Variants in MAST1 observed in about 807,000 individuals in gnomAD.
MAST1 encodes microtubule-associated serine/threonine-protein kinase 1.
A neutral mutation model predicts 124.6 loss-of-function variants in MAST1; 40 were observed. The ratio of observed to expected loss-of-function variants is 0.32; its 90% CI spans 0.25 to 0.42. The LOEUF (loss-of-function observed/expected upper bound fraction) is 0.42. Among genes scored for constraint, MAST1 ranks in the 10% least tolerant of loss-of-function variants. The pLI, the probability that MAST1 is intolerant of heterozygous loss-of-function variation, is 1.00. For missense variants in MAST1, 1,558 were observed against 2,181.9 expected, an observed-to-expected ratio of 0.71 and a Z score of 5.70; for synonymous variants, 938 against 939.4, an observed-to-expected ratio of 1.00 and a Z score of 0.03.
At chr19:12,860,176 G>A (rs1269207733) in intron 12 of MAST1, among the ~76,000 whole-genome samples, 3 of 151,790 alleles carry the variant, frequency 2.0e-5, no homozygotes, top group South Asian at 4.1e-4. Flanking sequence ...GTGCAGTGGC[G>A]CAATCTCAGC....
chr19:12,847,155 A>C lies in MAST1; in HGVS notation c.328-135A>C. ...CAAGAGTCCCAGCCAAGATCCTAGG[A>C]TCCAAGGATCGTAAATCAGGTCCTG... On this transcript the variant is annotated intron_variant, in intron 4 of 25. Transcript: ENST00000251472. This position sits in a 1 kb window ranked among gnomAD's most constrained non-coding sequence, Gnocchi z 5.5. 4.6e-6 allele frequency: 3 copies of C among 648,780 alleles called. No individual in the cohort carries two copies. The highest frequency in any genetic ancestry group is 8.2e-6 in the Non-Finnish European group (3 of 366,932). The allele number at this position is 648,780 out of a possible 1,614,324, so 40.2% of individuals were successfully genotyped here. A position where few individuals can be genotyped will look rare whatever the true frequency, so the allele number is the denominator to read the frequency against.
At chr19:12,849,769 A>G (rs1275964161) in intron 7 of MAST1, among the ~76,000 whole-genome samples, 1 of 152,094 alleles carries the variant, frequency 6.6e-6, no homozygotes, top group Non-Finnish European at 1.5e-5. Context: ...TTGATCATTC[A>G]TTAATTCCAC....
rs766551679 is a variant in MAST1, at chr19:12,874,201, G to C, written c.4044G>C (p.Glu1348Asp). ...TGGGCGCGGACCCGTTGCTGCCCGA[G>C]GGTGCCTCCAGGCCACCAGTGTCGA... Reference protein sequence around the residue: ...LSLGADPLLPEGASRPPVSSK... With the variant: ...LSLGADPLLPDGASRPPVSSK... Residue 1348 changes from glutamate to aspartate, a missense_variant, in exon 26 of 26, where the codon GAG becomes GAC. Around this residue, in one of 10 missense-constraint regions of MAST1, gnomAD observed 263 missense variants for 310.9 expected, o/e 0.85. Coordinates refer to ENST00000251472, the MANE Select transcript of MAST1 (RefSeq NM_014975.3). This position sits in a 1 kb window ranked among gnomAD's most constrained non-coding sequence, Gnocchi z 6.6. 3.2e-6 allele frequency: 5 copies of C among 1,544,206 alleles called. No individual in the cohort carries two copies. In the South Asian group the frequency reaches 5.9e-5, roughly 18 times the overall value.
At chr19:12,871,621 A>G (rs975311097) in intron 24 of MAST1, among the ~76,000 whole-genome samples, 6 of 151,458 alleles carry the variant, frequency 4.0e-5, no homozygotes, top group Non-Finnish European at 8.8e-5. Context: ...AAACAAACAA[A>G]CAAACAAACA....
chr19:12,864,742 T>C (rs1222982089), intron 12 of MAST1, 67 bp from the exon 13 acceptor site: 41 of 1,592,134 alleles, frequency 2.6e-5, no homozygotes, highest in Non-Finnish European at 3.4e-5. Flanking sequence ...GAGAAGTTGG[T>C]GCTATGGTGC....
rs750462903 is a variant in MAST1 at position 12,873,955 on chromosome 19, G to T, written c.3798G>T (p.Ser1266=). 1 of 1,596,642 alleles carries T rather than the reference G, an allele frequency of 6.3e-7. No homozygotes were observed. The part of the protein sequence containing the change: ...PRSPLLKRVQ[S]AEKLGASLSA... The stretch of plus-strand genomic sequence containing the variant: ...CGCCGCTCCTCAAGCGCGTGCAGTC[G>T]GCCGAGAAGCTGGGAGCCTCTTTGA... Residue 1266 remains serine (S), a synonymous_variant, in exon 26 of 26, where the codon TCG becomes TCT. Coordinates refer to ENST00000251472, the MANE Select transcript of MAST1 (RefSeq NM_014975.3).
In MAST1 at chr19:12,857,705, C is replaced by T. The variant is rs1478900587; in HGVS notation, c.1078-657C>T. On this transcript the variant is annotated intron_variant, in intron 10 of 25. Coordinates refer to ENST00000251472, the MANE Select transcript of MAST1 (RefSeq NM_014975.3). ...GTGATTACAGGCGTGAGCCACCGCTCCAGGCCCGAATCTTTTAGTATGTTT... is the reference window on the plus strand; with the variant it reads ...GTGATTACAGGCGTGAGCCACCGCTTCAGGCCCGAATCTTTTAGTATGTTT... Among the ~76,000 whole-genome samples, 21 of 152,316 alleles carry T rather than the reference C, an allele frequency of 1.4e-4. 1 individual carries two copies.
At position 12,858,523 on chromosome 19, in the gene MAST1, C is replaced by G. The variant is rs759570436; in HGVS notation, c.1158-8C>G. The G allele has an allele frequency of 1.5e-5, 24 of 1,613,520 alleles. No homozygotes were observed. Among genetic ancestry groups the G allele is most frequent in the Non-Finnish European group, 1.9e-5 (23 of 1,179,604 alleles). On this transcript the variant is annotated splice_region_variant and splice_polypyrimidine_tract_variant and intron_variant, in intron 11 of 25. Transcript: ENST00000251472. ...GTGACGGCCGGTCCTCGCTCTCTCC[C>G]CCTGCAGCGCTGTCTACCTGGTGCG...
intron 10 of MAST1, among the ~76,000 whole-genome samples, chr19:12,852,677 TA>T (rs35930918): frequency 0.41 from 59,711 of 144,278 alleles, 14,081 homozygotes; most frequent in African/African-American, 0.65. Context: ...CGTTTCTACT[TA>T]AAAAAAAAAA....
chr19:12,868,099 T>C (rs1970180793), intron 20 of MAST1, 122 bp downstream of exon 20: 4 of 863,530 alleles, frequency 4.6e-6, no homozygotes, highest in African/African-American at 2.0e-5. Flanking sequence ...CATTGCAATT[T>C]GGGATTTTTT....
chr19:12,871,337 G>T (rs1039595848), intron 24 of MAST1, among the ~76,000 whole-genome samples, 165 bp downstream of exon 24: 2 of 152,114 alleles, frequency 1.3e-5, no homozygotes. Context: ...GGCTGGGCGC[G>T]GTGGCTCACG....
intron 24 of MAST1, among the ~76,000 whole-genome samples, chr19:12,873,093 C>T (rs913943709): frequency 2.0e-5 from 3 of 149,810 alleles, no homozygotes; most frequent in African/African-American, 7.4e-5. Flanking sequence ...TGTTTGGATG[C>T]TTGTTTCTAG....
intron 12 of MAST1, among the ~76,000 whole-genome samples, chr19:12,861,956 C>T (rs1438666206): frequency 6.6e-6 from 1 of 150,636 alleles, no homozygotes; most frequent in Non-Finnish European, 1.5e-5. Context: ...CTGCCTCGGC[C>T]TCCCAAAGTG....
In MAST1 at chr19:12,858,407, G is replaced by A. The variant is rs368712318; in HGVS notation, c.1123G>A (p.Asp375Asn). 3.7e-6 allele frequency: 6 copies of A among 1,614,004 alleles called. No homozygotes were observed. In the African/African-American group the frequency reaches 5.3e-5, roughly 14 times the overall value. Residue 375 changes from aspartate (D) to asparagine (N), a missense_variant, in exon 11 of 26, where the codon GAT (aspartate) becomes AAT (asparagine). By Grantham distance (23) the Asp-to-Asn change is conservative (BLOSUM62 1). Coordinates refer to ENST00000251472, the MANE Select transcript of MAST1 (RefSeq NM_014975.3). ...GAAACCGCCGGGGGAGAATGACTTC[G>A]ATACCATCAAGCTCATAAGCAACGG... ...AKKPPGENDF[D>N]TIKLISNGAY...
rs761477256 is a variant in MAST1 at position 12,858,743 on chromosome 19, T to G, written c.1366+4T>G. 3.1e-6 allele frequency: 5 copies of G among 1,613,958 alleles called. No individual in the cohort carries two copies. The highest frequency in any genetic ancestry group is 1.3e-5 in the African/African-American group (1 of 74,916). ...ATGGTCATGGAATATGTGGAAGGTG[T>G]GGCTGCCTGCGGGGCTGCAGGGAAG... On this transcript the variant is annotated splice_donor_region_variant and intron_variant, in intron 12 of 25. Transcript: ENST00000251472.
At position 12,847,028 on chromosome 19, in the gene MAST1, G is replaced by A. The variant is rs1969902072; in HGVS notation, c.328-262G>A. ...TGGGTGTTCACCCTGAGTAAGGTGG[G>A]AGCCACCAAGGGTTCTGAACAGAGG... On this transcript the variant is annotated intron_variant, in intron 4 of 25. Transcript: ENST00000251472. This position sits in a 1 kb window ranked among gnomAD's most constrained non-coding sequence, Gnocchi z 5.5. 2.0e-5 allele frequency among the ~76,000 whole-genome samples: 3 copies of A among 152,116 alleles called. No individual in the cohort carries two copies. Among genetic ancestry groups the A allele is most frequent in the South Asian group, 2.1e-4 (1 of 4,830 alleles).
chr19:12,863,531 A>G (rs1970111858), intron 12 of MAST1, among the ~76,000 whole-genome samples: 3 of 152,214 alleles, frequency 2.0e-5, no homozygotes, highest in Non-Finnish European at 4.4e-5. Flanking sequence ...TCCATCAGGA[A>G]ACTCTCCATC....
intron 7 of MAST1, among the ~76,000 whole-genome samples, chr19:12,851,347 T>C (rs1405547554): frequency 6.6e-6 from 1 of 151,660 alleles, no homozygotes; most frequent in African/African-American, 2.4e-5. Context: ...CACTGCAGCC[T>C]TAGCCCCCTG....
chr19:12,851,775 C>T (rs984856940), intron 7 of MAST1, among the ~76,000 whole-genome samples, 159 bp from the exon 8 acceptor site: 3 of 152,116 alleles, frequency 2.0e-5, no homozygotes, highest in Admixed American at 6.5e-5. Flanking sequence ...CATGAGCCAC[C>T]GTGCCCAGCC....
Sources: gnomAD v4.1 joint callset for allele counts (sites outside exome capture counted in the v4.1 genomes callset) on GRCh38, gnomAD v4.1.1 for gene constraint, gnomAD v4.1.1 regional missense constraint, Gnocchi (gnomAD v3.1) non-coding constraint, MANE v1.5 for transcripts, NCBI Gene and HGNC (gene_info 2026-07-23, HGNC 2026-07-21) for gene names.